XIRP2: variants seen among roughly 807,000 people sequenced by gnomAD.
The protein encoded by XIRP2 is xin actin-binding repeat-containing protein 2.
A neutral mutation model predicts 277.0 loss-of-function variants in XIRP2; 236 were observed. The observed-to-expected ratio is 0.85, with a 90% CI of 0.77 to 0.95. The LOEUF (loss-of-function observed/expected upper bound fraction) is 0.95, where lower values mean the gene tolerates loss of function less well. XIRP2 is among the 40% of genes least tolerant of loss of function. The pLI is 0.00. For synonymous variants in XIRP2, 1,490 were observed against 1,416.5 expected, an observed-to-expected ratio of 1.05 and a Z score of -1.17; for missense variants, 4,640 against 4,157.5, an observed-to-expected ratio of 1.12 and a Z score of -3.19.
chr2:166,904,666 T>A (rs914099441), intron 2 of XIRP2, among the ~76,000 whole-genome samples: 2 of 152,170 alleles, frequency 1.3e-5, no homozygotes, highest in Non-Finnish European at 2.9e-5. Flanking sequence ...CTTGAATTTA[T>A]TTCACTCATT....
intron 2 of XIRP2, among the ~76,000 whole-genome samples, chr2:167,046,010 T>C (rs966897105): frequency 2.6e-5 from 4 of 152,022 alleles, no homozygotes; most frequent in African/African-American, 9.7e-5. Flanking sequence ...GGATGTTGGG[T>C]ATATACCCAA....
chr2:167,158,957 A>G (rs2105338587), intron 3 of XIRP2, among the ~76,000 whole-genome samples: 1 of 152,304 alleles, frequency 6.6e-6, no homozygotes, highest in Admixed American at 6.5e-5. Flanking sequence ...AGAAGCAGAC[A>G]CTACCTCTGG....
At chr2:167,042,594 G>A (rs1299103244) in intron 2 of XIRP2, among the ~76,000 whole-genome samples, 2 of 151,998 alleles carry the variant, frequency 1.3e-5, no homozygotes, top group Non-Finnish European at 2.9e-5. Flanking sequence ...AACCAACAAT[G>A]GTCAAAAAGG....
chr2:166,944,624 T>C (rs1685803340), intron 2 of XIRP2, among the ~76,000 whole-genome samples: 2 of 152,224 alleles, frequency 1.3e-5, no homozygotes, highest in Non-Finnish European at 2.9e-5. Context: ...ACAGAGTTCA[T>C]GTGTTCATGT....
At chr2:167,211,144 A>G (rs1351593107) in intron 4 of XIRP2, among the ~76,000 whole-genome samples, 2 of 152,078 alleles carry the variant, frequency 1.3e-5, no homozygotes, top group Non-Finnish European at 2.9e-5. Context: ...TTGCTCTGTC[A>G]TCCAGGCTGG....
At chr2:167,126,288 T>G (rs1003054636) in intron 2 of XIRP2, among the ~76,000 whole-genome samples, 1 of 152,014 alleles carries the variant, frequency 6.6e-6, no homozygotes, top group Non-Finnish European at 1.5e-5. Flanking sequence ...GTAGCTGGCT[T>G]CCAAGAGGCA....
At chr2:166,971,668 C>T in intron 2 of XIRP2, among the ~76,000 whole-genome samples, 1 of 151,992 alleles carries the variant, frequency 6.6e-6, no homozygotes, top group South Asian at 2.1e-4. Context: ...TGCAAAGTCA[C>T]TCTACAAAAT....
chr2:167,208,568 A>G (rs1279750494), intron 3 of XIRP2, among the ~76,000 whole-genome samples: 1 of 151,944 alleles, frequency 6.6e-6, no homozygotes, highest in African/African-American at 2.4e-5. Context: ...TCGGCCTCCC[A>G]GAGTGCTGGG....
intron 2 of XIRP2, among the ~76,000 whole-genome samples, chr2:166,987,610 ATT>A (rs1428389054): frequency 6.6e-6 from 1 of 152,200 alleles, no homozygotes; most frequent in African/African-American, 2.4e-5. Context: ...TCTATAAAAG[ATT>A]TTAAAAATTG....
rs998604461 is a variant in XIRP2 at position 166,919,543 on chromosome 2, T to G, written c.408+15653T>G. On this transcript the variant is annotated intron_variant, in intron 2 of 10. Coordinates refer to ENST00000409195, the MANE Select transcript of XIRP2 (RefSeq NM_152381.6). Reference sequence around the variant, plus strand: ...TTCTGATTTCAATGTCGATTAGATGTCAGATTTCTTTGTTATTAATGATAC... The same window carrying G: ...TTCTGATTTCAATGTCGATTAGATGGCAGATTTCTTTGTTATTAATGATAC... Among the ~76,000 whole-genome samples the G allele has an allele frequency of 2.6e-5, 4 of 152,334 alleles. No homozygotes were observed. The East Asian group carries it at 5.8e-4, about 22-fold the overall frequency.
At chr2:166,973,789 A>T (rs892614106) in intron 2 of XIRP2, among the ~76,000 whole-genome samples, 1 of 152,232 alleles carries the variant, frequency 6.6e-6, no homozygotes, top group Non-Finnish European at 1.5e-5. Flanking sequence ...CAAAGCATAA[A>T]GACATATATT....
intron 2 of XIRP2, among the ~76,000 whole-genome samples, chr2:167,039,797 T>C (rs1267202868): frequency 6.6e-6 from 1 of 152,352 alleles, no homozygotes; most frequent in Non-Finnish European, 1.5e-5. Flanking sequence ...GATTTTAAAC[T>C]GTAACAAACA....
chr2:166,962,119 A>G (rs1686314298), intron 2 of XIRP2, among the ~76,000 whole-genome samples: 1 of 151,740 alleles, frequency 6.6e-6, no homozygotes, highest in Admixed American at 6.6e-5. Flanking sequence ...GCAACATAAT[A>G]CTATGTTTAG....
At chr2:167,170,295 A>G (rs1692647721) in intron 3 of XIRP2, among the ~76,000 whole-genome samples, 1 of 152,064 alleles carries the variant, frequency 6.6e-6, no homozygotes, top group South Asian at 2.1e-4. Flanking sequence ...TGATGTTAGT[A>G]TCAGGGTTAG....
rs542104592 is a variant in XIRP2 at position 167,013,908 on chromosome 2, A to G, written c.408+110018A>G. On this transcript the variant is annotated intron_variant, in intron 2 of 10. Transcript: ENST00000409195. ...CGTTCTCATCCTACAACACTCTGAT[A>G]TATCAGCTCAGTATCTAGTATCTGT... Among the ~76,000 whole-genome samples the G allele has an allele frequency of 2.0e-5, 3 of 151,410 alleles. No homozygotes were observed. The East Asian group carries it at 5.8e-4, about 29-fold the overall frequency.
chr2:167,100,939 G>A (rs1254218971), intron 2 of XIRP2, among the ~76,000 whole-genome samples: 2 of 152,048 alleles, frequency 1.3e-5, no homozygotes, highest in Admixed American at 6.5e-5. Context: ...CTTTTTGTCC[G>A]ACTTTCTTTT....
chr2:166,971,129 C>T (rs1421631284), intron 2 of XIRP2, among the ~76,000 whole-genome samples: 1 of 151,810 alleles, frequency 6.6e-6, no homozygotes, highest in African/African-American at 2.4e-5. Flanking sequence ...AAGAGTAAAA[C>T]TCATCTCTTA....
intron 4 of XIRP2, among the ~76,000 whole-genome samples, chr2:167,214,093 A>AGAAAGAAGGAAG (rs1553500653): frequency 5.3e-4 from 34 of 64,368 alleles, no homozygotes; most frequent in African/African-American, 2.5e-3. Flanking sequence ...GAAGAAAGAA[A>AGAAAGAAGGAAG]GAAGGAAGGA....
At chr2:166,940,619 G>C (rs1685679086) in intron 2 of XIRP2, among the ~76,000 whole-genome samples, 3 of 152,158 alleles carry the variant, frequency 2.0e-5, no homozygotes. Context: ...TACAGATGGG[G>C]TTTTGGTGTG....
Sources: gnomAD v4.1 joint callset for allele counts (sites outside exome capture counted in the v4.1 genomes callset) on GRCh38, gnomAD v4.1.1 for gene constraint, MANE v1.5 for transcripts, NCBI Gene and HGNC (gene_info 2026-07-23, HGNC 2026-07-21) for gene names.